CIB1: variants seen among roughly 807,000 people sequenced by gnomAD.
CIB1 encodes the protein calcium and integrin-binding protein 1.
CIB1 carries 19 observed loss-of-function variants against 25.0 expected under a neutral mutation model. The observed-to-expected ratio is 0.76, with a 90% confidence interval of 0.53 to 1.12. CIB1 has a LOEUF of 1.12. Among genes scored for constraint, CIB1 ranks in the 50% most tolerant of loss-of-function variants. The pLI is 0.00. For missense variants in CIB1, 236 were observed against 242.6 expected, an observed-to-expected ratio of 0.97 and a Z score of 0.18; for synonymous variants, 104 against 98.5, an observed-to-expected ratio of 1.06 and a Z score of -0.33.
the CIB1 span, among the ~76,000 whole-genome samples, chr15:90,251,099 G>T: frequency 6.9e-6 from 1 of 144,734 alleles, no homozygotes; most frequent in South Asian, 2.2e-4. Context: ...GCCTGTTTAT[G>T]TCATCCTGGT....
At chr15:90,258,112 A>G in the CIB1 span, 1 of 1,614,204 alleles carries the variant, frequency 6.2e-7, no homozygotes, top group South Asian at 1.1e-5. Flanking sequence ...GACATCGAGG[A>G]CATCATCATC....
Position 90,233,698 on chromosome 15 carries a change from C to T in CIB1, c.57G>A (p.Leu19=). ...GGATCTCCTGCTTCGTCAGGAACGT[C>T]AAGTCCTGGAAGGCAAAGCCAGAGC... ...SKELLAEYQD[L]TFLTKQEILL... The change falls in exon 2 of 7, where the codon TTG becomes TTA. Residue 19 remains leucine, a synonymous_variant. Coordinates refer to ENST00000328649, the MANE Select transcript of CIB1 (RefSeq NM_006384.4). 6.3e-7 allele frequency: 1 copy of T among 1,576,010 alleles called. No individual in the cohort carries two copies.
At chr15:90,262,943 T>G in the CIB1 span, 4 of 1,531,014 alleles carry the variant, frequency 2.6e-6, no homozygotes, top group Non-Finnish European at 3.5e-6. Flanking sequence ...AGATCCTGCA[T>G]TTATCTCTCA....
the CIB1 span, chr15:90,265,156 C>G: frequency 1.4e-5 from 17 of 1,237,890 alleles, no homozygotes; most frequent in Non-Finnish European, 1.8e-5. Context: ...AATTGGGGAT[C>G]GGTAAAGACT....
At chr15:90,247,301 T>TTC in the CIB1 span, among the ~76,000 whole-genome samples, 1 of 147,980 alleles carries the variant, frequency 6.8e-6, no homozygotes. Flanking sequence ...CTTTTTTCTT[T>TTC]TTTTTTTTTT....
chr15:90,252,156 C>T, the CIB1 span, among the ~76,000 whole-genome samples: 1 of 151,512 alleles, frequency 6.6e-6, no homozygotes, highest in Non-Finnish European at 1.5e-5. Flanking sequence ...TCTCCTGCCT[C>T]AGCCTCCCAA....
At chr15:90,252,567 A>AT in the CIB1 span, among the ~76,000 whole-genome samples, 390 of 152,310 alleles carry the variant, frequency 2.6e-3, 1 homozygote, top group African/African-American at 9.1e-3. Flanking sequence ...AAGAAAAAAA[A>AT]CAATCTCCAG....
the CIB1 span, chr15:90,258,146 T>C: frequency 3.7e-6 from 6 of 1,614,254 alleles, no homozygotes; most frequent in Non-Finnish European, 5.1e-6. Flanking sequence ...CAGCCCATTC[T>C]GTTCTACGCC....
the CIB1 span, chr15:90,241,043 G>A: frequency 6.2e-7 from 1 of 1,614,116 alleles, no homozygotes; most frequent in Non-Finnish European, 8.5e-7. Context: ...AGTGGCCAAG[G>A]AATGCACCTG....
At chr15:90,256,421 T>C in the CIB1 span, 3 of 1,208,258 alleles carry the variant, frequency 2.5e-6, no homozygotes, top group Admixed American at 2.4e-5. Flanking sequence ...CCCGTTTTCC[T>C]GGAGGCAGTA....
the CIB1 span, chr15:90,262,221 C>T: frequency 2.0e-6 from 3 of 1,494,844 alleles, no homozygotes; most frequent in Non-Finnish European, 2.7e-6. Flanking sequence ...CCTCTGCACA[C>T]CTAGGTGGGG....
chr15:90,253,423 C>A, the CIB1 span: 1 of 1,357,920 alleles, frequency 7.4e-7, no homozygotes, highest in Non-Finnish European at 1.0e-6. Flanking sequence ...AATGACTATT[C>A]CCACCTCCTT....
the CIB1 span, chr15:90,258,330 C>T: frequency 3.5e-6 from 5 of 1,423,154 alleles, no homozygotes; most frequent in African/African-American, 1.4e-5. Flanking sequence ...GAATAGGACA[C>T]CTGGGACAGG....
chr15:90,265,287 C>G, the CIB1 span: 1 of 1,225,914 alleles, frequency 8.2e-7, no homozygotes, highest in Non-Finnish European at 1.0e-6. Context: ...GGAGGCCATC[C>G]AGGAGACAAT....
At chr15:90,244,290 C>T in the CIB1 span, 2 of 152,196 alleles carry the variant, frequency 1.3e-5, no homozygotes, top group Non-Finnish European at 2.9e-5. Context: ...TTCCCAAGCA[C>T]TTTAGAAGCT....
the CIB1 span, chr15:90,241,839 G>C: frequency 6.2e-7 from 1 of 1,614,220 alleles, no homozygotes; most frequent in African/African-American, 1.3e-5. Flanking sequence ...AGGGGTCCGA[G>C]TAATTCTGTG....
Position 90,230,009 on chromosome 15 carries a change from T to A in CIB1, c.*475A>T, listed in dbSNP as rs143354290. 7 of 181,150 alleles carry A rather than the reference T, an allele frequency of 3.9e-5. No individual in the cohort carries two copies. The highest frequency in any genetic ancestry group is 1.0e-4 in the South Asian group (1 of 9,922). The allele number at this position is 181,150 out of a possible 1,614,324, so 11.2% of individuals were successfully genotyped here. On this transcript the variant is annotated 3_prime_UTR_variant, in exon 7 of 7. Coordinates refer to ENST00000328649, the MANE Select transcript of CIB1 (RefSeq NM_006384.4). ...ATAGACTTTACTGATGTACGGTTCT[T>A]TACATTTTGATGCATGCAGAGACTC...
At chr15:90,253,209 G>T in the CIB1 span, 1 of 1,547,992 alleles carries the variant, frequency 6.5e-7, no homozygotes, top group Non-Finnish European at 8.9e-7. Flanking sequence ...GCTTGTTGCT[G>T]GTGTCCATGC....
In CIB1 at chr15:90,230,418, C is replaced by T. The variant is rs534082575; in HGVS notation, c.*66G>A. On this transcript the variant is annotated 3_prime_UTR_variant, in exon 7 of 7. Coordinates refer to ENST00000328649, the MANE Select transcript of CIB1 (RefSeq NM_006384.4). ...CCCGCACTGGCAACACAGGCTTGAC[C>T]TTGGCCACAGCTCAGCAGTAGAAAG... The T allele has an allele frequency of 3.2e-5, 49 of 1,540,872 alleles. No individual in the cohort carries two copies. The highest frequency in any genetic ancestry group is 7.9e-5 in the Admixed American group (4 of 50,924).
Sources: allele counts gnomAD v4.1 joint callset (sites outside exome capture counted in the v4.1 genomes callset), GRCh38; gene constraint gnomAD v4.1.1; transcripts MANE v1.5; gene names NCBI Gene and HGNC (gene_info 2026-07-23, HGNC 2026-07-21).